ABR: variants seen among roughly 807,000 people sequenced by gnomAD.
The protein encoded by ABR is ABR activator of RhoGEF and GTPase, also known as active breakpoint cluster region-related protein.
A neutral mutation model predicts 107.2 loss-of-function variants in ABR; 35 were observed. The ratio of observed to expected loss-of-function variants is 0.33; its 90% confidence interval spans 0.25 to 0.43. The LOEUF is 0.43. Ranked by LOEUF, ABR falls within the 20% of genes least tolerant of loss-of-function variation. ABR has a pLI of 1.00. For synonymous variants in ABR, 498 were observed against 462.0 expected (o/e 1.08, Z -1.00); for missense variants, 815 against 1,115.2 (o/e 0.73, Z 3.83).
chr17:1,021,082 C>T (rs774412888), intron 16 of ABR, among the ~76,000 whole-genome samples: 3 of 152,138 alleles, frequency 2.0e-5, no homozygotes, highest in Non-Finnish European at 4.4e-5. Flanking sequence ...ACCCAGGGCC[C>T]TTTAATCCAC....
chr17:1,120,248 T>C (rs1321880418), intron 2 of ABR, among the ~76,000 whole-genome samples: 3 of 128,836 alleles, frequency 2.3e-5, no homozygotes, highest in African/African-American at 8.4e-5. Context: ...ATAGGGACAA[T>C]GATGATGATT....
chr17:1,009,868 G>A (rs112538984), intron 20 of ABR, 84 bp from the exon 21 acceptor site: 2 of 1,213,230 alleles, frequency 1.6e-6, no homozygotes, highest in Non-Finnish European at 2.4e-6. Flanking sequence ...GTGGGCCCCT[G>A]CGGGAGAGAG....
chr17:1,056,719 T>A (rs1194017615), intron 13 of ABR, among the ~76,000 whole-genome samples: 1 of 152,192 alleles, frequency 6.6e-6, no homozygotes, highest in African/African-American at 2.4e-5. Context: ...CTACCGGGTC[T>A]GCTCTCTCAT....
Position 1,070,684 on chromosome 17 carries a change from G to A in ABR, c.895-594C>T, listed in dbSNP as rs552969625. 6.6e-6 allele frequency among the ~76,000 whole-genome samples: 1 copy of A among 152,134 alleles called. No individual in the cohort carries two copies. Among genetic ancestry groups the A allele is most frequent in the Admixed American group, 6.5e-5 (1 of 15,278 alleles). On this transcript the variant is annotated intron_variant, in intron 8 of 22. Coordinates refer to ENST00000302538, the MANE Select transcript of ABR (RefSeq NM_021962.5). The surrounding 1 kb of genome is among the most constrained non-coding windows in gnomAD (Gnocchi z 4.2). ...GCCTGGGACTGCAGCAGTGCCCAGA[G>A]GGGACCTGCAGCCAACTCTAACCTG...
rs1281377719 is a variant in ABR, at chr17:1,050,359, C to A, written c.1659+178G>T. On this transcript the variant is annotated intron_variant, in intron 15 of 22. Transcript: ENST00000302538. The surrounding 1 kb of genome is among the most constrained non-coding windows in gnomAD (Gnocchi z 4.6). ...CACCCCTGGAGTCTGGGGGCCTGAG[C>A]TGACACCACAGGGTCTGACACCCAG... is the stretch of plus-strand genomic sequence containing the variant. Among the ~76,000 whole-genome samples the A allele has an allele frequency of 2.0e-5, 3 of 152,148 alleles. No individual in the cohort carries two copies. Among genetic ancestry groups the A allele is most frequent in the Non-Finnish European group, 4.4e-5 (3 of 68,004 alleles).
chr17:1,201,856 T>C (rs1240622534), intron 1 of ABR, among the ~76,000 whole-genome samples: 1 of 152,130 alleles, frequency 6.6e-6, no homozygotes, highest in Non-Finnish European at 1.5e-5. Context: ...TTTTTGTATG[T>C]TTAGTAGAGA....
chr17:1,225,524 C>G (rs147932542), intron 1 of ABR, among the ~76,000 whole-genome samples: 1 of 152,066 alleles, frequency 6.6e-6, no homozygotes, highest in Non-Finnish European at 1.5e-5. Flanking sequence ...TAGTGGCACA[C>G]TCTTGTCATC....
Position 1,005,085 on chromosome 17 carries a change from C to T in ABR, c.*995G>A, listed in dbSNP as rs1276478931. 5 of 398,426 alleles carry T rather than the reference C, an allele frequency of 1.3e-5. No homozygotes were observed. The highest frequency in any genetic ancestry group is 2.2e-5 in the Non-Finnish European group (5 of 226,204). 24.7% of individuals were successfully genotyped at this position (398,426 alleles called of 1,614,324 possible). ...AGCTGCCTCCCCGCGACCCGGGACA[C>T]CCAGCGTGGCATGTGCATTCCTCCC... On this transcript the variant is annotated 3_prime_UTR_variant, in exon 23 of 23. Coordinates refer to ENST00000302538, the MANE Select transcript of ABR (RefSeq NM_021962.5).
At chr17:1,032,809 G>A (rs2072915446) in intron 16 of ABR, among the ~76,000 whole-genome samples, 2 of 152,218 alleles carry the variant, frequency 1.3e-5, no homozygotes, top group Non-Finnish European at 2.9e-5. Context: ...AATCCCAAAT[G>A]TTTAACTATG....
Position 1,125,188 on chromosome 17 carries a change from G to A in ABR, c.241C>T (p.Pro81Ser). 6.3e-7 allele frequency: 1 copy of A among 1,580,764 alleles called. No individual in the cohort carries two copies. The highest frequency in any genetic ancestry group is 8.6e-7 in the Non-Finnish European group (1 of 1,162,076). The change falls in exon 2 of 23, where the codon CCT becomes TCT. Residue 81 changes from proline to serine, a missense_variant. Around this residue, in one of 5 missense-constraint regions of ABR, gnomAD observed 129 missense variants for 124.8 expected, o/e 1.03. Transcript: ENST00000302538. ...VSPTPPEGLA[P>S]GVEAGKGLEM... is the part of the protein sequence containing the mutation. ...AGAAAAGCCGGTGTACCTACCCCAG[G>A]AGCCAGTCCCTCAGGTGGAGTCGGG...
chr17:1,172,996 C>CCAACACATCACCTAAGTCCACT (rs2041776372), intron 1 of ABR, among the ~76,000 whole-genome samples: 1 of 136,024 alleles, frequency 7.4e-6, no homozygotes, highest in Non-Finnish European at 1.6e-5. Flanking sequence ...CTCAGTCCAC[C>CCAACACATCACCTAAGTCCACT]CAACACATCA....
Position 1,092,671 on chromosome 17 carries a change from A to T in ABR, c.346-821T>A, listed in dbSNP as rs982311123. 2.7e-5 allele frequency among the ~76,000 whole-genome samples: 4 copies of T among 150,356 alleles called. No individual in the cohort carries two copies. The highest frequency in any genetic ancestry group is 9.8e-5 in the African/African-American group (4 of 40,930). On this transcript the variant is annotated intron_variant, in intron 3 of 22. Transcript: ENST00000302538. The surrounding 1 kb of genome is among the most constrained non-coding windows in gnomAD (Gnocchi z 4.6). ...TCAGTGTGGTTCTCTGCATTTTATA[A>T]ATCACCTACAATGAATGAATATGAA...
chr17:1,020,698 C>T (rs1053284655), intron 16 of ABR, among the ~76,000 whole-genome samples: 1 of 152,166 alleles, frequency 6.6e-6, no homozygotes, highest in East Asian at 1.9e-4. Flanking sequence ...GGCCCCGCAG[C>T]GGGGAGAGGA....
chr17:1,067,063 C>T lies in ABR; in HGVS notation c.1182+14G>A. ...CTCAAAGGGCCCCAGGCTCAGATAC[C>T]AAGCTCTGCTCACCTCCTTCTGGAT... On this transcript the variant is annotated intron_variant, in intron 10 of 22. Coordinates refer to ENST00000302538, the MANE Select transcript of ABR (RefSeq NM_021962.5). 1.2e-6 allele frequency: 2 copies of T among 1,611,770 alleles called. No homozygotes were observed. The highest frequency in any genetic ancestry group is 1.1e-5 in the South Asian group (1 of 90,502).
chr17:1,216,369 C>G (rs1196661017), intron 1 of ABR, among the ~76,000 whole-genome samples: 1 of 152,146 alleles, frequency 6.6e-6, no homozygotes, highest in African/African-American at 2.4e-5. Context: ...GAGTGAGTAG[C>G]AGAGGCAGCC....
intron 4 of ABR, among the ~76,000 whole-genome samples, chr17:1,090,742 A>AG (rs1186362106): frequency 2.6e-5 from 4 of 152,156 alleles, no homozygotes; most frequent in African/African-American, 9.7e-5. Flanking sequence ...AGGGGAGGGG[A>AG]GGAGGCCTCC....
chr17:1,070,539 C>T lies in ABR; in HGVS notation c.895-449G>A, dbSNP rs186681428. Among the ~76,000 whole-genome samples the T allele has an allele frequency of 3.9e-5, 6 of 152,286 alleles. No homozygotes were observed. The highest frequency in any genetic ancestry group is 2.6e-4 in the Admixed American group (4 of 15,310). On this transcript the variant is annotated intron_variant, in intron 8 of 22. Transcript: ENST00000302538. The surrounding 1 kb of genome is among the most constrained non-coding windows in gnomAD (Gnocchi z 4.2). Reference sequence around the variant, plus strand: ...CGTTTGCAATCCCTCCCGACCGCGGCGGCGAACTTCATCTAGCCCCGGCTC... The same window carrying T: ...CGTTTGCAATCCCTCCCGACCGCGGTGGCGAACTTCATCTAGCCCCGGCTC...
intron 1 of ABR, among the ~76,000 whole-genome samples, chr17:1,175,093 G>A (rs993701206): frequency 6.6e-6 from 1 of 152,172 alleles, no homozygotes; most frequent in Non-Finnish European, 1.5e-5. Context: ...CAGAAAGGGT[G>A]ATTAAAGACC....
chr17:1,065,858 G>T (rs1036265271), intron 10 of ABR, among the ~76,000 whole-genome samples: 1 of 149,266 alleles, frequency 6.7e-6, no homozygotes, highest in African/African-American at 2.5e-5. Context: ...CAATTCTCCT[G>T]TCTCAGCCTC....
Sources: allele counts gnomAD v4.1 joint callset (sites outside exome capture counted in the v4.1 genomes callset), GRCh38; gene constraint gnomAD v4.1.1; regional missense constraint gnomAD v4.1.1; non-coding constraint Gnocchi (gnomAD v3.1); transcripts MANE v1.5; gene names NCBI Gene and HGNC (gene_info 2026-07-23, HGNC 2026-07-21).